The following KDM6A variants were observed in gnomAD, a reference collection of about 807,000 sequenced individuals.
KDM6A encodes lysine demethylase 6A.
Under a neutral mutation model 117.6 loss-of-function variants are expected in KDM6A, and 11 were observed. The ratio of observed to expected loss-of-function variants is 0.09; its 90% CI spans 0.06 to 0.15. KDM6A has a LOEUF of 0.15. Among genes scored for constraint, KDM6A ranks in the 10% least tolerant of loss-of-function variants. KDM6A has a pLI of 1.00. For missense variants in KDM6A, 799 were observed against 1,077.3 expected (o/e 0.74, Z 3.62); for synonymous variants, 384 against 396.1 (o/e 0.97, Z 0.36).
intron 2 of KDM6A, among the ~76,000 whole-genome samples, chrX:44,901,330 G>A (rs1160731048): frequency 9.0e-6 from 1 of 110,818 alleles, no homozygotes; most frequent in African/African-American, 3.3e-5. Flanking sequence ...GCAGTGAGCC[G>A]AGGTGACAGA....
At chrX:45,090,967 G>T in intron 27 of KDM6A, 103 bp downstream of exon 27, 1 of 848,351 alleles carries the variant, frequency 1.2e-6, no homozygotes, top group East Asian at 3.1e-5. Flanking sequence ...AAGCAAAATG[G>T]TGCAAAAGTC....
intron 2 of KDM6A, among the ~76,000 whole-genome samples, chrX:44,889,894 T>A (rs1349595638): frequency 8.9e-6 from 1 of 112,446 alleles, no homozygotes; most frequent in African/African-American, 3.2e-5. Context: ...TATGCATTTT[T>A]AAGAAATAAT....
chrX:45,069,405 G>A (rs1440114778), intron 17 of KDM6A, among the ~76,000 whole-genome samples, 174 bp from the exon 18 acceptor site: 1 of 112,223 alleles, frequency 8.9e-6, no homozygotes, highest in Non-Finnish European at 1.9e-5. Flanking sequence ...CTCTAAAGAT[G>A]TTAAATACTG....
At chrX:45,010,781 C>CT (rs2041719336) in intron 4 of KDM6A, among the ~76,000 whole-genome samples, 180 bp from the exon 5 acceptor site, 1 of 111,901 alleles carries the variant, frequency 8.9e-6, no homozygotes, top group Admixed American at 9.5e-5. Flanking sequence ...GAATACCTCT[C>CT]TAAGTTGATT....
At chrX:45,075,371 A>C (rs927725826) in intron 18 of KDM6A, among the ~76,000 whole-genome samples, 4 of 111,750 alleles carry the variant, frequency 3.6e-5, no homozygotes, top group Admixed American at 9.6e-5. Context: ...CTTTAAATGT[A>C]CAAGGCACAT....
chrX:44,991,851 T>C (rs1011392667), intron 4 of KDM6A, among the ~76,000 whole-genome samples: 3 of 93,952 alleles, frequency 3.2e-5, no homozygotes, highest in Admixed American at 3.1e-4. Flanking sequence ...TACGCCTGAC[T>C]AATTTTTTTT....
intron 8 of KDM6A, among the ~76,000 whole-genome samples, chrX:45,041,185 C>T (rs1267177102): frequency 1.2e-5 from 1 of 85,950 alleles, no homozygotes; most frequent in African/African-American, 5.5e-5. Context: ...TGACCCCCCC[C>T]TCCCCCCTCC....
intron 14 of KDM6A, 34 bp downstream of exon 14, chrX:45,060,798 A>C: frequency 1.0e-6 from 1 of 963,916 alleles, no homozygotes. Context: ...AATCCCAGTC[A>C]AAAAAGAAGT....
In KDM6A at chrX:44,879,690, A is replaced by C. The variant is rs995652058; in HGVS notation, c.225+5703A>C. 3.6e-5 allele frequency among the ~76,000 whole-genome samples: 4 copies of C among 112,204 alleles called. No homozygotes were observed. In the South Asian group the frequency reaches 1.1e-3, roughly 31 times the overall value. On this transcript the variant is annotated intron_variant, in intron 2 of 29. Coordinates refer to ENST00000611820, the MANE Select transcript of KDM6A (RefSeq NM_001291415.2). ...GTTTAAGGGTGACTAACACAGGACCATCTTTGGGAGAAGAAAAATGTGAAA... is the reference window on the plus strand; with the variant it reads ...GTTTAAGGGTGACTAACACAGGACCCTCTTTGGGAGAAGAAAAATGTGAAA...
intron 27 of KDM6A, 113 bp downstream of exon 27, chrX:45,090,977 C>T: frequency 1.3e-6 from 1 of 770,241 alleles, no homozygotes; most frequent in Non-Finnish European, 2.0e-6. Context: ...GTGCAAAAGT[C>T]TAGCAGAATG....
intron 2 of KDM6A, among the ~76,000 whole-genome samples, chrX:44,941,023 G>T (rs910230676): frequency 9.0e-6 from 1 of 110,774 alleles, no homozygotes; most frequent in African/African-American, 3.3e-5. Flanking sequence ...CAATAAGACC[G>T]AAACTCTGTC....
intron 2 of KDM6A, among the ~76,000 whole-genome samples, chrX:44,936,897 GAT>G (rs1489768591): frequency 9.0e-6 from 1 of 111,721 alleles, no homozygotes; most frequent in African/African-American, 3.3e-5. Flanking sequence ...TAGGATTAGG[GAT>G]GCTTAGCCTG....
rs746630730 is a variant in KDM6A at position 45,010,965 on chromosome X, C to T, written c.389C>T (p.Ala130Val). 8.4e-7 allele frequency: 1 copy of T among 1,196,853 alleles called. No homozygotes were observed. The highest frequency in any genetic ancestry group is 1.1e-6 in the Non-Finnish European group (1 of 883,196). The stretch of plus-strand genomic sequence containing the variant: ...TCTTTTTCCCTTCCTTTACAGAATG[C>T]TGCCTTTTTATATGGTCTTGGTTTG... ...YSLQSDYWKN[A>V]AFLYGLGLVY... Residue 130 changes from alanine to valine, a missense_variant, in exon 5 of 30, where the codon GCT (alanine) becomes GTT (valine). Physicochemically the swap from Ala to Val is moderately conservative, Grantham distance 64. This residue lies in a region of KDM6A where 89 missense variants were observed against 117.8 expected (regional missense o/e 0.76). Transcript: ENST00000611820.
At chrX:45,076,947 A>C in intron 19 of KDM6A, 121 bp downstream of exon 19, 25 of 565,554 alleles carry the variant, frequency 4.4e-5, no homozygotes, top group East Asian at 9.9e-5. Context: ...AGCAGATTAA[A>C]TAGTTTGGGG....
intron 2 of KDM6A, among the ~76,000 whole-genome samples, chrX:44,882,061 A>G (rs190429685): frequency 1.2e-3 from 130 of 111,923 alleles, no homozygotes; most frequent in Non-Finnish European, 1.8e-3. Flanking sequence ...AGTTGGGGTT[A>G]TACTTAAGGG....
At chrX:45,057,460 C>T (rs988900557) in intron 10 of KDM6A, among the ~76,000 whole-genome samples, 2 of 110,865 alleles carry the variant, frequency 1.8e-5, no homozygotes, top group African/African-American at 3.3e-5. Flanking sequence ...TTTTTCTTGC[C>T]GCTTCCAGTA....
Position 44,885,157 on chromosome X carries a change from G to A in KDM6A, c.225+11170G>A, listed in dbSNP as rs1602050611. Among the ~76,000 whole-genome samples, 6 of 107,957 alleles carry A rather than the reference G, an allele frequency of 5.6e-5. No individual in the cohort carries two copies. In the South Asian group the frequency reaches 2.1e-3, roughly 37 times the overall value. 93.7% of individuals were successfully genotyped at this position (107,957 alleles called of 115,157 possible). A position where few individuals can be genotyped will look rare whatever the true frequency, so the allele number is the denominator to read the frequency against. On this transcript the variant is annotated intron_variant, in intron 2 of 29. Transcript: ENST00000611820. The stretch of plus-strand genomic sequence containing the variant: ...AAGTGGATCCTCCCACTCCAGCTAC[G>A]TGGGACTATAGGCATGTGCCAGCAC...
intron 4 of KDM6A, among the ~76,000 whole-genome samples, chrX:45,006,857 G>A (rs747270428): frequency 7.4e-5 from 8 of 108,822 alleles, no homozygotes; most frequent in Admixed American, 3.9e-4. Flanking sequence ...CTTGAACCCC[G>A]GAGGTGGAGG....
At chrX:45,089,093 A>G (rs2045780920) in intron 25 of KDM6A, among the ~76,000 whole-genome samples, 2 of 111,913 alleles carry the variant, frequency 1.8e-5, no homozygotes, top group Non-Finnish European at 3.8e-5. Flanking sequence ...CCTTTTAGGG[A>G]TTTCTAGGTG....
Sources: allele counts gnomAD v4.1 joint callset (sites outside exome capture counted in the v4.1 genomes callset), GRCh38; gene constraint gnomAD v4.1.1; regional missense constraint gnomAD v4.1.1; transcripts MANE v1.5; gene names NCBI Gene and HGNC (gene_info 2026-07-23, HGNC 2026-07-21).